The following RNF130 variants were observed in gnomAD, a reference collection of about 807,000 sequenced individuals.
RNF130 encodes ring finger protein 130, also known as E3 ubiquitin-protein ligase RNF130.
A neutral mutation model predicts 44.6 loss-of-function variants in RNF130; 21 were observed. The ratio of observed to expected loss-of-function variants is 0.47; its 90% confidence interval spans 0.33 to 0.68. The LOEUF is 0.68. Among genes scored for constraint, RNF130 ranks in the 30% least tolerant of loss-of-function variants. The pLI is 0.02. For missense variants in RNF130, 479 were observed against 560.6 expected, an observed-to-expected ratio of 0.85 and a Z score of 1.47; for synonymous variants, 214 against 210.4, an observed-to-expected ratio of 1.02 and a Z score of -0.15.
intron 3 of RNF130, among the ~76,000 whole-genome samples, chr5:180,007,474 A>G (rs958742783): frequency 2.7e-4 from 41 of 152,346 alleles, no homozygotes; most frequent in African/African-American, 9.6e-4. Context: ...TTCCTTTGCT[A>G]ATATTATGGC....
intron 7 of RNF130, among the ~76,000 whole-genome samples, chr5:179,921,024 A>G (rs1244072505): frequency 6.6e-6 from 1 of 152,024 alleles, no homozygotes; most frequent in African/African-American, 2.4e-5. Flanking sequence ...TTTGATTTTA[A>G]AATTCCATAG....
intron 3 of RNF130, among the ~76,000 whole-genome samples, chr5:179,985,112 A>T: frequency 7.2e-6 from 1 of 139,432 alleles, no homozygotes. Flanking sequence ...TTGCTCTTGA[A>T]TTTCTTCAAC....
rs146142560 is a variant in RNF130 at position 179,991,102 on chromosome 5, C to T, written c.694-10902G>A. 3.8e-3 allele frequency among the ~76,000 whole-genome samples: 583 copies of T among 152,276 alleles called. 5 individuals are homozygous for T. The highest frequency in any genetic ancestry group is 0.012 in the African/African-American group (512 of 41,558). Reference sequence around the variant, plus strand: ...GATGAAAATTTTTCTCCTTTTAGCACTTTGAAAATAGCATCCCATTCTCTT... The same window carrying T: ...GATGAAAATTTTTCTCCTTTTAGCATTTTGAAAATAGCATCCCATTCTCTT... On this transcript the variant is annotated intron_variant, in intron 3 of 8. Transcript: ENST00000521389.
intron 1 of RNF130, among the ~76,000 whole-genome samples, chr5:180,059,669 GA>G (rs1373742763): frequency 1.4e-4 from 21 of 152,288 alleles, no homozygotes; most frequent in African/African-American, 4.6e-4. Context: ...GCACTGATAC[GA>G]AACAATGAAG....
At chr5:179,972,102 TTA>T (rs1468970259) in intron 5 of RNF130, among the ~76,000 whole-genome samples, 2 of 152,136 alleles carry the variant, frequency 1.3e-5, no homozygotes, top group Non-Finnish European at 2.9e-5. Flanking sequence ...ACCTAAGGCG[TTA>T]TGTCTTGTTA....
rs180796135 is a variant in RNF130 at position 180,023,083 on chromosome 5, C to G, written c.443-9772G>C. ...GTAAATAGATGTAGGATGGCAAGAG[C>G]CAGGTTTTTCATTTAGGAGTGGGAG... On this transcript the variant is annotated intron_variant, in intron 2 of 8. Coordinates refer to ENST00000521389, the MANE Select transcript of RNF130 (RefSeq NM_018434.6). Among the ~76,000 whole-genome samples the G allele has an allele frequency of 2.0e-5, 3 of 152,208 alleles. No homozygotes were observed. The East Asian group carries it at 5.8e-4, about 29-fold the overall frequency.
chr5:180,033,174 G>A (rs567231387), intron 2 of RNF130, among the ~76,000 whole-genome samples: 43 of 151,926 alleles, frequency 2.8e-4, no homozygotes, highest in African/African-American at 1.0e-3. Flanking sequence ...TAGAGACAGG[G>A]TCCCCCTATG....
intron 2 of RNF130, among the ~76,000 whole-genome samples, chr5:180,033,582 C>T (rs1455206559): frequency 1.3e-5 from 2 of 151,876 alleles, no homozygotes; most frequent in African/African-American, 2.4e-5. Context: ...CCCAGCTGCT[C>T]GGGAGTCTGA....
At chr5:179,922,905 G>A (rs542481818) in intron 7 of RNF130, among the ~76,000 whole-genome samples, 27 of 152,114 alleles carry the variant, frequency 1.8e-4, no homozygotes, top group African/African-American at 5.3e-4. Context: ...CTGCCCTCCA[G>A]CCTGTGCTAC....
intron 7 of RNF130, among the ~76,000 whole-genome samples, chr5:179,946,146 C>T (rs960959172): frequency 4.6e-5 from 7 of 152,210 alleles, no homozygotes; most frequent in African/African-American, 1.2e-4. Flanking sequence ...GTGCAACCCC[C>T]TACAGTTACG....
intron 2 of RNF130, among the ~76,000 whole-genome samples, chr5:180,019,332 C>T (rs1258628432): frequency 2.0e-5 from 3 of 150,570 alleles, no homozygotes; most frequent in East Asian, 2.0e-4. Flanking sequence ...TGCAGTGAGC[C>T]GAGATCACGC....
At chr5:180,049,927 C>T (rs886548224) in intron 1 of RNF130, among the ~76,000 whole-genome samples, 1 of 152,100 alleles carries the variant, frequency 6.6e-6, no homozygotes, top group Admixed American at 6.5e-5. Context: ...AAAATGTTAA[C>T]ATGCATACCT....
At chr5:179,980,000 C>T in intron 4 of RNF130, 129 bp downstream of exon 4, 2 of 719,368 alleles carry the variant, frequency 2.8e-6, no homozygotes, top group Non-Finnish European at 4.8e-6. Context: ...TAAAATAAAG[C>T]ATTAGGTAGT....
At chr5:179,951,347 G>A (rs1006273576), downstream of RNF130, among the ~76,000 whole-genome samples, 2 of 151,558 alleles carry the variant, frequency 1.3e-5, no homozygotes, top group African/African-American at 2.4e-5. Flanking sequence ...CCTAACACAC[G>A]TCTACAGAAC....
rs1763607314 is a variant in RNF130 at position 180,012,072 on chromosome 5, A to ATATC, written c.693+985_693+988dup. ...TTCACAGTCAGCGTTTGGGTGTTTTATATCTACTTTCAGATGAGAAAGAAG... is the reference window on the plus strand; with the variant it reads ...TTCACAGTCAGCGTTTGGGTGTTTTATATCTATCTACTTTCAGATGAGAAAGAAG... On this transcript the variant is annotated intron_variant, in intron 3 of 8. Transcript: ENST00000521389. Among the ~76,000 whole-genome samples the ATATC allele has an allele frequency of 2.0e-5, 3 of 152,156 alleles. No individual in the cohort carries two copies. The East Asian group carries it at 5.8e-4, about 29-fold the overall frequency.
At chr5:180,069,141 C>T (rs1289808191) in intron 1 of RNF130, among the ~76,000 whole-genome samples, 1 of 152,190 alleles carries the variant, frequency 6.6e-6, no homozygotes, top group East Asian at 1.9e-4. Context: ...ACTGCAACAG[C>T]AGAAGATTTA....
chr5:179,969,151 T>G (rs1430139987), intron 6 of RNF130, among the ~76,000 whole-genome samples: 1 of 152,178 alleles, frequency 6.6e-6, no homozygotes, highest in East Asian at 1.9e-4. Flanking sequence ...GACCAGAAAC[T>G]ATGTTATTTT....
At chr5:180,025,239 T>TATCA (rs1429773169) in intron 2 of RNF130, among the ~76,000 whole-genome samples, 1 of 152,252 alleles carries the variant, frequency 6.6e-6, no homozygotes, top group African/African-American at 2.4e-5. Flanking sequence ...TATGAACTTC[T>TATCA]ATCAGTTAAG....
At chr5:180,044,695 G>T (rs1398937711) in intron 1 of RNF130, among the ~76,000 whole-genome samples, 1 of 152,110 alleles carries the variant, frequency 6.6e-6, no homozygotes, top group East Asian at 1.9e-4. Flanking sequence ...AGCTGGGCAT[G>T]GTGGTGGGTG....
Sources: allele counts gnomAD v4.1 joint callset (sites outside exome capture counted in the v4.1 genomes callset), GRCh38; gene constraint gnomAD v4.1.1; transcripts MANE v1.5; gene names NCBI Gene and HGNC (gene_info 2026-07-23, HGNC 2026-07-21).